TATDN2: variants seen among roughly 807,000 people sequenced by gnomAD.
The protein encoded by TATDN2 is TatD DNase domain containing 2.
Under a neutral mutation model 60.3 loss-of-function variants are expected in TATDN2, and 44 were observed. The ratio of observed to expected loss-of-function variants is 0.73; its 90% confidence interval spans 0.57 to 0.94. The LOEUF is 0.94. Among genes scored for constraint, TATDN2 ranks in the 40% least tolerant of loss-of-function variants. The pLI is 0.00. For missense variants in TATDN2, 997 were observed against 948.0 expected (o/e 1.05, Z -0.68); for synonymous variants, 399 against 355.8 (o/e 1.12, Z -1.37).
At chr3:10,266,160 C>T (rs1010486106) in intron 3 of TATDN2, among the ~76,000 whole-genome samples, 1 of 152,076 alleles carries the variant, frequency 6.6e-6, no homozygotes, top group Non-Finnish European at 1.5e-5. Flanking sequence ...GATATATTTC[C>T]TGTAACTTTA....
intron 2 of TATDN2, among the ~76,000 whole-genome samples, chr3:10,259,529 G>A (rs1189798341): frequency 6.6e-5 from 10 of 152,228 alleles, no homozygotes; most frequent in East Asian, 1.9e-4. Flanking sequence ...CTTCACTTCC[G>A]TCTTGGAGGA....
In TATDN2 at chr3:10,278,525, C is replaced by T; in HGVS notation, c.2145+63C>T. The T allele has an allele frequency of 3.1e-6, 5 of 1,596,844 alleles. No individual in the cohort carries two copies. The highest frequency in any genetic ancestry group is 4.3e-6 in the Non-Finnish European group (5 of 1,168,218). ...GAGAGGGTGGGGAGGTGGGTGGTCA[C>T]CCTTACAAGGTTGGCAGGGCCAGAG... On this transcript the variant is annotated intron_variant, in intron 6 of 7. Coordinates refer to ENST00000448281, the MANE Select transcript of TATDN2 (RefSeq NM_014760.4). The surrounding 1 kb of genome is among the most constrained non-coding windows in gnomAD (Gnocchi z 4.7).
chr3:10,272,440 A>T (rs1398883934), intron 4 of TATDN2, among the ~76,000 whole-genome samples: 11 of 143,074 alleles, frequency 7.7e-5, no homozygotes, highest in African/African-American at 2.6e-4. Context: ...CACCCGGCTA[A>T]TTTTTTTTTT....
chr3:10,266,670 G>C (rs1323153799), intron 3 of TATDN2, among the ~76,000 whole-genome samples: 1 of 152,194 alleles, frequency 6.6e-6, no homozygotes, highest in African/African-American at 2.4e-5. Context: ...CATAGACAAC[G>C]TACAAGTGAA....
chr3:10,272,422 TGCC>T (rs754205547), intron 4 of TATDN2, among the ~76,000 whole-genome samples: 1 of 146,464 alleles, frequency 6.8e-6, no homozygotes, highest in Non-Finnish European at 1.5e-5. Context: ...TACAGGTGCC[TGCC>T]ACCACACCCG....
intron 4 of TATDN2, among the ~76,000 whole-genome samples, chr3:10,272,168 A>G (rs1698576302): frequency 6.6e-6 from 1 of 151,680 alleles, no homozygotes; most frequent in South Asian, 2.1e-4. Context: ...TCAGTGGTGC[A>G]GCCACAGCTC....
chr3:10,262,329 C>G (rs1328159072), intron 3 of TATDN2, among the ~76,000 whole-genome samples: 2 of 152,154 alleles, frequency 1.3e-5, no homozygotes, highest in Non-Finnish European at 2.9e-5. Context: ...CCTTGGTTTA[C>G]TCTCACATTT....
rs2125184003 is a variant in TATDN2 at position 10,280,579 on chromosome 3, T to C, written c.*1397T>C. 1 of 153,910 alleles carries C rather than the reference T, an allele frequency of 6.5e-6. No homozygotes were observed. Among genetic ancestry groups the C allele is most frequent in the African/African-American group, 2.4e-5 (1 of 41,580 alleles). 9.5% of individuals were successfully genotyped at this position (153,910 alleles called of 1,614,324 possible). On this transcript the variant is annotated 3_prime_UTR_variant, in exon 8 of 8. Transcript: ENST00000448281. Reference sequence around the variant, plus strand: ...CATCCCTTATGGAATCCTAAATTCCTCTAGGTGTTTTTGGAAGGCGCATTT... The same window carrying C: ...CATCCCTTATGGAATCCTAAATTCCCCTAGGTGTTTTTGGAAGGCGCATTT...
intron 2 of TATDN2, among the ~76,000 whole-genome samples, chr3:10,256,330 C>T (rs1698307946): frequency 6.6e-6 from 1 of 151,960 alleles, no homozygotes; most frequent in Admixed American, 6.6e-5. Flanking sequence ...TGGGTCACTG[C>T]ACCCAGCTAA....
In TATDN2 at chr3:10,280,050, C is replaced by T. The variant is rs514658; in HGVS notation, c.*868C>T. On this transcript the variant is annotated 3_prime_UTR_variant, in exon 8 of 8. Coordinates refer to ENST00000448281, the MANE Select transcript of TATDN2 (RefSeq NM_014760.4). ...AGGGGCTGCCAGCCTCCTTTTGTTT[C>T]ACTTTTGCCCCCTTCTTGGGAACAT... 0.26 allele frequency: 40,127 copies of T among 153,742 alleles called. 5,687 individuals are homozygous for T. The highest frequency in any genetic ancestry group is 0.36 in the African/African-American group (14,897 of 41,476). The allele number at this position is 153,742 out of a possible 1,614,324, so 9.5% of individuals were successfully genotyped here. A position where few individuals can be genotyped will look rare whatever the true frequency, so the allele number is the denominator to read the frequency against.
chr3:10,273,745 G>C (rs9881452), intron 4 of TATDN2, among the ~76,000 whole-genome samples: 3,138 of 152,296 alleles, frequency 0.021, 97 homozygotes, highest in African/African-American at 0.072. Flanking sequence ...ATTGGGGAAA[G>C]AATGGGTAGT....
intron 3 of TATDN2, among the ~76,000 whole-genome samples, chr3:10,265,573 T>G (rs1698465208): frequency 7.0e-6 from 1 of 143,282 alleles, no homozygotes. Flanking sequence ...TCCCAGGTGC[T>G]GGGGAGGCTG....
chr3:10,271,248 A>G (rs1698559544), intron 4 of TATDN2, among the ~76,000 whole-genome samples: 1 of 152,206 alleles, frequency 6.6e-6, no homozygotes, highest in African/African-American at 2.4e-5. Context: ...GTGACTTCTT[A>G]TGGATGATAT....
At chr3:10,255,007 T>TTCCCAC (rs1249386636) in intron 2 of TATDN2, among the ~76,000 whole-genome samples, 10 of 68,804 alleles carry the variant, frequency 1.5e-4, no homozygotes, top group Admixed American at 4.5e-4. Context: ...TCCTTCCCAC[T>TTCCCAC]TCCCACTCCC....
intron 3 of TATDN2, among the ~76,000 whole-genome samples, chr3:10,267,042 C>T (rs548636743): frequency 6.7e-6 from 1 of 150,278 alleles, no homozygotes; most frequent in Non-Finnish European, 1.5e-5. Flanking sequence ...GTCTCAGCCT[C>T]CCGAGCAGCT....
intron 5 of TATDN2, among the ~76,000 whole-genome samples, chr3:10,277,372 G>C (rs1371118744): frequency 6.6e-6 from 1 of 152,160 alleles, no homozygotes; most frequent in Admixed American, 6.5e-5. Context: ...AGGTTGGATG[G>C]TGGCTTCTGC....
At chr3:10,276,929 A>C (rs1247246006) in intron 5 of TATDN2, among the ~76,000 whole-genome samples, 5 of 149,858 alleles carry the variant, frequency 3.3e-5, no homozygotes, top group African/African-American at 1.2e-4. Flanking sequence ...AGGTTAAACC[A>C]CTTGAAATTT....
intron 3 of TATDN2, among the ~76,000 whole-genome samples, chr3:10,268,342 G>A (rs1698509601): frequency 2.6e-5 from 4 of 152,140 alleles, no homozygotes. Flanking sequence ...AAACAGTTTT[G>A]TTCCATTTTA....
rs751012309 is a variant in TATDN2 at position 10,249,436 on chromosome 3, A to ACTC, written c.248_250dup (p.Ser83dup). 3 of 1,611,138 alleles carry ACTC rather than the reference A, an allele frequency of 1.9e-6. No homozygotes were observed. Among genetic ancestry groups the ACTC allele is most frequent in the Admixed American group, 3.3e-5 (2 of 59,810 alleles). On this transcript the variant is annotated inframe_insertion, in exon 2 of 8. Transcript: ENST00000448281. ...TGGGGCTCATCCCGCCGCAGAAATA[A>ACTC]CTCCTCCTCCTCCTTCTCCCCACAT...
Sources: gnomAD v4.1 joint callset for allele counts (sites outside exome capture counted in the v4.1 genomes callset) on GRCh38, gnomAD v4.1.1 for gene constraint, Gnocchi (gnomAD v3.1) non-coding constraint, MANE v1.5 for transcripts, NCBI Gene and HGNC (gene_info 2026-07-23, HGNC 2026-07-21) for gene names.